Variants in CPNE5 observed in about 807,000 individuals in gnomAD.
The protein encoded by CPNE5 is copine-5.
A neutral mutation model predicts 81.1 loss-of-function variants in CPNE5; 42 were observed. That is an observed-to-expected ratio of 0.52 (90% CI 0.40 to 0.67). The LOEUF (loss-of-function observed/expected upper bound fraction) is 0.67. CPNE5 is among the 30% of genes least tolerant of loss of function. The pLI, the probability that CPNE5 is intolerant of heterozygous loss-of-function variation, is 0.00. For missense variants in CPNE5, 612 were observed against 815.5 expected, an observed-to-expected ratio of 0.75 and a Z score of 3.04; for synonymous variants, 313 against 321.5, an observed-to-expected ratio of 0.97 and a Z score of 0.28.
At chr6:36,785,855 A>C (rs1028658421) in intron 8 of CPNE5, among the ~76,000 whole-genome samples, 5 of 152,000 alleles carry the variant, frequency 3.3e-5, no homozygotes, top group Non-Finnish European at 7.4e-5. Context: ...TCTACCAAAA[A>C]CACAAAAATT....
At chr6:36,823,534 A>C (rs1772241550) in intron 1 of CPNE5, among the ~76,000 whole-genome samples, 1 of 152,238 alleles carries the variant, frequency 6.6e-6, no homozygotes. Context: ...CTCTACTTAC[A>C]GCCAGTTTAT....
At chr6:36,826,177 G>A (rs1338174853) in intron 1 of CPNE5, among the ~76,000 whole-genome samples, 7 of 152,070 alleles carry the variant, frequency 4.6e-5, no homozygotes, top group Admixed American at 2.6e-4. Flanking sequence ...TGTTATGGGC[G>A]GTGGGAGGGG....
intron 5 of CPNE5, 65 bp downstream of exon 5, chr6:36,798,390 G>C: frequency 6.4e-7 from 1 of 1,566,406 alleles, no homozygotes; most frequent in Non-Finnish European, 8.8e-7. Flanking sequence ...CAAAGCCCCA[G>C]GCTCACCCAG....
chr6:36,816,843 A>G (rs1393377450), intron 3 of CPNE5, among the ~76,000 whole-genome samples: 3 of 152,186 alleles, frequency 2.0e-5, no homozygotes, highest in African/African-American at 4.8e-5. Context: ...CAGTGGCACA[A>G]TCTAGGATCA....
Position 36,839,248 on chromosome 6 carries a change from CCGGGGCAAGGGGACCCGGCCA to C in CPNE5, c.95+14_95+34del. On this transcript the variant is annotated intron_variant, in intron 1 of 20. Transcript: ENST00000244751. This position sits in a 1 kb window ranked among gnomAD's most constrained non-coding sequence, Gnocchi z 7.3. ...GGGCCGCGGGGCTCTGCGTCCAGGGCCGGGGCAAGGGGACCCGGCCAGCGGGAGGCTCACCTGCAGGACACG... is the reference window on the plus strand; with the variant it reads ...GGGCCGCGGGGCTCTGCGTCCAGGGCGCGGGAGGCTCACCTGCAGGACACG... The C allele has an allele frequency of 6.8e-7, 1 of 1,462,852 alleles. No individual in the cohort carries two copies. The highest frequency in any genetic ancestry group is 9.2e-7 in the Non-Finnish European group (1 of 1,084,318). The allele number at this position is 1,462,852 out of a possible 1,614,324, so 90.6% of individuals were successfully genotyped here.
chr6:36,762,572 G>T lies in CPNE5; in HGVS notation c.855+345C>A, dbSNP rs572094272. 7.9e-5 allele frequency among the ~76,000 whole-genome samples: 12 copies of T among 152,272 alleles called. No individual in the cohort carries two copies. The East Asian group carries it at 2.3e-3, about 29-fold the overall frequency. ...AAGCACAAGGCCACCTCGAACTCAG[G>T]ACCTCAGGTCTCAAGCCCAGAACCT... On this transcript the variant is annotated intron_variant, in intron 12 of 20. Transcript: ENST00000244751.
chr6:36,803,260 G>A (rs542906739), intron 3 of CPNE5, among the ~76,000 whole-genome samples: 1 of 152,174 alleles, frequency 6.6e-6, no homozygotes, highest in South Asian at 2.1e-4. Flanking sequence ...ACCTCCTAAG[G>A]GGCCCCCAGT....
In CPNE5 at chr6:36,823,107, G is replaced by A. The variant is rs769610949; in HGVS notation, c.96-9C>T. The A allele has an allele frequency of 1.7e-5, 27 of 1,561,510 alleles. 1 individual carries two copies. In the South Asian group the frequency reaches 3.2e-4, roughly 19 times the overall value. ...CTTTGTCCAGGAGGTTCCTGAAAGA[G>A]GGGGAGAGAGGAGGGGTTAGCACGG... is the stretch of plus-strand genomic sequence containing the variant. On this transcript the variant is annotated splice_polypyrimidine_tract_variant and intron_variant, in intron 1 of 20. Transcript: ENST00000244751.
At chr6:36,827,026 G>A (rs924118785) in intron 1 of CPNE5, among the ~76,000 whole-genome samples, 9 of 152,130 alleles carry the variant, frequency 5.9e-5, no homozygotes, top group African/African-American at 2.2e-4. Flanking sequence ...CACTCTCCCG[G>A]TGGATGCTCA....
Position 36,839,328 on chromosome 6 carries a change from G to T in CPNE5, c.50C>A (p.Ala17Glu), listed in dbSNP as rs780508158. The change falls in exon 1 of 21, where the codon GCG (alanine) becomes GAG (glutamate). Residue 17 changes from alanine (A) to glutamate (E), a missense_variant. Coordinates refer to ENST00000244751, the MANE Select transcript of CPNE5 (RefSeq NM_020939.2). This position sits in a 1 kb window ranked among gnomAD's most constrained non-coding sequence, Gnocchi z 7.3. ...CACCTTGGTGGCCGGGATGCTGCCCGCCAAGGAGTCGAACTCGCTCAGCGA... is the reference window on the plus strand; with the variant it reads ...CACCTTGGTGGCCGGGATGCTGCCCTCCAAGGAGTCGAACTCGCTCAGCGA... ...MASLSEFDSL[A>E]GSIPATKVEI... is the part of the protein sequence containing the mutation. 6.4e-6 allele frequency: 10 copies of T among 1,552,050 alleles called. No homozygotes were observed. Among genetic ancestry groups the T allele is most frequent in the South Asian group, 2.4e-5 (2 of 83,958 alleles).
At chr6:36,745,307 C>A in intron 17 of CPNE5, 81 bp downstream of exon 17, 3 of 1,521,404 alleles carry the variant, frequency 2.0e-6, no homozygotes, top group South Asian at 2.4e-5. Flanking sequence ...GAAGAGAAAC[C>A]CCCTCCCACC....
chr6:36,792,880 C>T (rs1264384789), intron 7 of CPNE5, among the ~76,000 whole-genome samples: 1 of 152,114 alleles, frequency 6.6e-6, no homozygotes, highest in Non-Finnish European at 1.5e-5. Context: ...GTGGGGGAGT[C>T]CCAGTGTAGT....
At position 36,802,580 on chromosome 6, in the gene CPNE5, T is replaced by C. The variant is rs955110683; in HGVS notation, c.184-2510A>G. 3.4e-5 allele frequency among the ~76,000 whole-genome samples: 5 copies of C among 149,214 alleles called. No individual in the cohort carries two copies. The Admixed American group carries it at 3.4e-4, about 10-fold the overall frequency. On this transcript the variant is annotated intron_variant, in intron 3 of 20. Transcript: ENST00000244751. ...CAGGCAGGTGCAAAGCAAAATATTTTAAATGGGCATTAATCCTTCTTAATA... is the reference window on the plus strand; with the variant it reads ...CAGGCAGGTGCAAAGCAAAATATTTCAAATGGGCATTAATCCTTCTTAATA...
intron 1 of CPNE5, among the ~76,000 whole-genome samples, chr6:36,837,336 C>T (rs1008528755): frequency 2.6e-5 from 4 of 152,230 alleles, no homozygotes; most frequent in African/African-American, 4.8e-5. Context: ...GTGGGGGAAA[C>T]TGAGGCTTAA....
Position 36,742,015 on chromosome 6 carries a change from A to C in CPNE5, c.*253T>G. ...CTTCCTGGCTGGGTTAGAGCCAGGT[A>C]TTGGGGAAGAAGAGAAGGGCTGGGT... is the stretch of plus-strand genomic sequence containing the variant. On this transcript the variant is annotated 3_prime_UTR_variant, in exon 21 of 21. Transcript: ENST00000244751. 1 of 473,104 alleles carries C rather than the reference A, an allele frequency of 2.1e-6. No homozygotes were observed. The allele number at this position is 473,104 out of a possible 1,614,324, so 29.3% of individuals were successfully genotyped here.
chr6:36,746,426 C>A lies in CPNE5; in HGVS notation c.1170G>T (p.Pro390=). 1 of 1,612,948 alleles carries A rather than the reference C, an allele frequency of 6.2e-7. No homozygotes were observed. The highest frequency in any genetic ancestry group is 1.7e-4 in the Middle Eastern group (1 of 5,964). The change falls in exon 16 of 21, where the codon CCG becomes CCT. Residue 390 remains proline, a synonymous_variant. Transcript: ENST00000244751. This position sits in a 1 kb window ranked among gnomAD's most constrained non-coding sequence, Gnocchi z 4.5. ...GGAACTCGTGGGACACTCTGCCATC[C>A]GGGGGCAGCTTGGCCCCGAAGCCCA... ...PALGFGAKLP[P]DGRVSHEFPL...
chr6:36,769,691 C>G (rs1322348857), intron 10 of CPNE5, among the ~76,000 whole-genome samples: 1 of 152,232 alleles, frequency 6.6e-6, no homozygotes, highest in Non-Finnish European at 1.5e-5. Context: ...CCAGGTTGCA[C>G]TGCGCAACAC....
chr6:36,810,329 C>A (rs962628351), intron 3 of CPNE5, among the ~76,000 whole-genome samples: 1 of 152,204 alleles, frequency 6.6e-6, no homozygotes, highest in African/African-American at 2.4e-5. Flanking sequence ...GCTCACCCTT[C>A]CCCAGCCGTA....
At chr6:36,753,210 A>T in intron 13 of CPNE5, 115 bp from the exon 14 acceptor site, 14 of 736,378 alleles carry the variant, frequency 1.9e-5, no homozygotes, top group Non-Finnish European at 3.4e-5. Flanking sequence ...TGCATGCATG[A>T]CTGCATGCAC....
Sources: gnomAD v4.1 joint callset for allele counts (sites outside exome capture counted in the v4.1 genomes callset) on GRCh38, gnomAD v4.1.1 for gene constraint, Gnocchi (gnomAD v3.1) non-coding constraint, MANE v1.5 for transcripts, NCBI Gene and HGNC (gene_info 2026-07-23, HGNC 2026-07-21) for gene names.